Variants in AKR1B10 observed in about 807,000 individuals in gnomAD.
The protein encoded by AKR1B10 is ARP.
AKR1B10 carries 39 observed loss-of-function variants against 38.9 expected under a neutral mutation model. The observed-to-expected ratio is 1.00, with a 90% confidence interval of 0.78 to 1.31. The LOEUF is 1.31. Ranked by LOEUF, AKR1B10 falls within the 50% of genes most tolerant of loss-of-function variation. The pLI is 0.00. For synonymous variants in AKR1B10, 148 were observed against 141.2 expected (o/e 1.05, Z -0.34); for missense variants, 361 against 382.6 (o/e 0.94, Z 0.47).
At chr7:134,534,931 G>A (rs891471506) in intron 4 of AKR1B10, among the ~76,000 whole-genome samples, 1 of 152,134 alleles carries the variant, frequency 6.6e-6, no homozygotes, top group African/African-American at 2.4e-5. Flanking sequence ...CAACGTCTAG[G>A]CTACAACTCA....
intron 1 of AKR1B10, 81 bp downstream of exon 1, chr7:134,528,058 G>T: frequency 6.4e-7 from 1 of 1,559,160 alleles, no homozygotes; most frequent in Admixed American, 1.8e-5. Flanking sequence ...AGCCAGGAAA[G>T]CCTGGAGGTC....
chr7:134,537,827 A>T (rs1025703623), intron 7 of AKR1B10, among the ~76,000 whole-genome samples, 166 bp downstream of exon 7: 2 of 152,104 alleles, frequency 1.3e-5, no homozygotes, highest in Admixed American at 1.3e-4. Context: ...GAAACACAAG[A>T]GCTGTCACTG....
chr7:134,541,366 A>C lies in AKR1B10; in HGVS notation c.*277A>C, dbSNP rs1808146818. The stretch of plus-strand genomic sequence containing the variant: ...TTATTAAGCATCAGAAACTCTGCCA[A>C]CACTGAGGATGTAAAGATCAATAAA... On this transcript the variant is annotated 3_prime_UTR_variant, in exon 10 of 10. Transcript: ENST00000359579. 2.8e-6 allele frequency: 1 copy of C among 361,798 alleles called. No individual in the cohort carries two copies. Among genetic ancestry groups the C allele is most frequent in the African/African-American group, 2.2e-5 (1 of 45,924 alleles). The allele number at this position is 361,798 out of a possible 1,614,324, so 22.4% of individuals were successfully genotyped here.
At chr7:134,532,260 T>G (rs1245187480) in intron 3 of AKR1B10, among the ~76,000 whole-genome samples, 1 of 152,158 alleles carries the variant, frequency 6.6e-6, no homozygotes, top group African/African-American at 2.4e-5. Context: ...CAGTTATGTC[T>G]GAGAGAAGAC....
intron 1 of AKR1B10, among the ~76,000 whole-genome samples, chr7:134,528,382 G>T (rs915605869): frequency 6.6e-6 from 1 of 152,076 alleles, no homozygotes; most frequent in African/African-American, 2.4e-5. Flanking sequence ...TGCAGATCAC[G>T]GTGTGAGACT....
chr7:134,527,798 A>G lies in AKR1B10; in HGVS notation c.-114A>G. The G allele has an allele frequency of 6.7e-7, 1 of 1,484,186 alleles. No homozygotes were observed. The highest frequency in any genetic ancestry group is 1.2e-5 in the South Asian group (1 of 82,578). The allele number at this position is 1,484,186 out of a possible 1,614,324, so 91.9% of individuals were successfully genotyped here. ...GAGACAGAGGTTGTAGTGAGCTGAGATCGCACCACTGCACTCTAGCCTTGG... is the reference window on the plus strand; with the variant it reads ...GAGACAGAGGTTGTAGTGAGCTGAGGTCGCACCACTGCACTCTAGCCTTGG... On this transcript the variant is annotated 5_prime_UTR_variant, in exon 1 of 10. Coordinates refer to ENST00000359579, the MANE Select transcript of AKR1B10 (RefSeq NM_020299.5).
intron 2 of AKR1B10, among the ~76,000 whole-genome samples, chr7:134,531,528 C>G (rs1260335036): frequency 6.6e-6 from 1 of 152,084 alleles, no homozygotes; most frequent in Non-Finnish European, 1.5e-5. Context: ...AGATAAAGGA[C>G]CATCTGCTCC....
intron 3 of AKR1B10, 69 bp from the exon 4 acceptor site, chr7:134,532,935 G>A: frequency 7.2e-7 from 1 of 1,390,056 alleles, no homozygotes; most frequent in Non-Finnish European, 1.0e-6. Context: ...TCAGGATCCT[G>A]AAACCTTGTT....
Position 134,527,983 on chromosome 7 carries a change from T to C in AKR1B10, c.66+6T>C, listed in dbSNP as rs779810370. On this transcript the variant is annotated splice_donor_region_variant and intron_variant, in intron 1 of 9. Coordinates refer to ENST00000359579, the MANE Select transcript of AKR1B10 (RefSeq NM_020299.5). ...TGGGCCTGGGCACTTGGAAGGTAAA[T>C]ATGCAAATCTTTGCACACCCTTCTT... is the stretch of plus-strand genomic sequence containing the variant. The C allele has an allele frequency of 1.9e-6, 3 of 1,613,786 alleles. No homozygotes were observed. The South Asian group carries it at 3.3e-5, about 18-fold the overall frequency.
intron 1 of AKR1B10, 113 bp from the exon 2 acceptor site, chr7:134,530,530 G>A: frequency 8.9e-7 from 1 of 1,125,936 alleles, no homozygotes; most frequent in Non-Finnish European, 1.3e-6. Context: ...CAGCTACTCG[G>A]GAGGTGGGAG....
chr7:134,534,579 C>T (rs569918764), intron 4 of AKR1B10, among the ~76,000 whole-genome samples: 1 of 152,142 alleles, frequency 6.6e-6, no homozygotes, highest in Non-Finnish European at 1.5e-5. Context: ...GAAAAGATAG[C>T]AGTGATCAAG....
At chr7:134,530,492 A>C in intron 1 of AKR1B10, 151 bp from the exon 2 acceptor site, 2 of 809,864 alleles carry the variant, frequency 2.5e-6, no homozygotes, top group Non-Finnish European at 3.8e-6. Context: ...ATAAGAGAAT[A>C]TGATGGTTGC....
At position 134,541,177 on chromosome 7, in the gene AKR1B10, C is replaced by A; in HGVS notation, c.*88C>A. The stretch of plus-strand genomic sequence containing the variant: ...CCACTCATGTCCCATTTTAGCCAAG[C>A]TTATTTAAGATCACAGTGAACTTAG... On this transcript the variant is annotated 3_prime_UTR_variant, in exon 10 of 10. Transcript: ENST00000359579. 9.7e-7 allele frequency: 1 copy of A among 1,033,330 alleles called. No homozygotes were observed. Among genetic ancestry groups the A allele is most frequent in the Non-Finnish European group, 1.5e-6 (1 of 689,632 alleles). The allele number at this position is 1,033,330 out of a possible 1,614,324, so 64.0% of individuals were successfully genotyped here. A position where few individuals can be genotyped will look rare whatever the true frequency, so the allele number is the denominator to read the frequency against.
In AKR1B10 at chr7:134,527,910, C is replaced by A. The variant is rs1215685903; in HGVS notation, c.-2C>A. On this transcript the variant is annotated 5_prime_UTR_variant, in exon 1 of 10. Coordinates refer to ENST00000359579, the MANE Select transcript of AKR1B10 (RefSeq NM_020299.5). Reference sequence around the variant, plus strand: ...TCACTCAGAATCATTTCTGCACCAACCATGGCCACGTTTGTGGAGCTCAGT... The same window carrying A: ...TCACTCAGAATCATTTCTGCACCAAACATGGCCACGTTTGTGGAGCTCAGT... 1.9e-6 allele frequency: 3 copies of A among 1,613,284 alleles called. No homozygotes were observed. The highest frequency in any genetic ancestry group is 2.2e-5 in the South Asian group (2 of 91,042).
Position 134,537,062 on chromosome 7 carries a change from C to G in AKR1B10, c.564C>G (p.His188Gln). 1 of 1,577,192 alleles carries G rather than the reference C, an allele frequency of 6.3e-7. No individual in the cohort carries two copies. The highest frequency in any genetic ancestry group is 1.2e-5 in the South Asian group (1 of 84,836). Reference protein sequence around the residue: ...YKPVTNQVECHPYLTQEKLIQ... With the variant: ...YKPVTNQVECQPYLTQEKLIQ... ...GTTTGCTGTTGCAGGTTGAGTGTCA[C>G]CCATACCTCACACAGGAGAAACTGA... Residue 188 changes from histidine (H) to glutamine (Q), a missense_variant, in exon 6 of 10, where the codon CAC (histidine) becomes CAG (glutamine). This residue lies in a region of AKR1B10 where 9 missense variants were observed against 31.9 expected (regional missense o/e 0.28). Transcript: ENST00000359579.
chr7:134,529,000 GC>G (rs1807775376), intron 1 of AKR1B10, among the ~76,000 whole-genome samples: 1 of 152,124 alleles, frequency 6.6e-6, no homozygotes, highest in African/African-American at 2.4e-5. Flanking sequence ...CCTCTGTTAG[GC>G]TAAGTTTCAA....
intron 1 of AKR1B10, among the ~76,000 whole-genome samples, chr7:134,528,595 G>C (rs558963821): frequency 6.6e-6 from 1 of 152,230 alleles, no homozygotes; most frequent in East Asian, 1.9e-4. Context: ...ATGGTGGCAC[G>C]CACCTGTAGT....
At chr7:134,540,414 T>C (rs1328439847) in intron 9 of AKR1B10, among the ~76,000 whole-genome samples, 1 of 151,772 alleles carries the variant, frequency 6.6e-6, no homozygotes, top group East Asian at 1.9e-4. Flanking sequence ...CCCCCCAAAC[T>C]AAACTGCTTA....
chr7:134,527,728 C>CAT lies in AKR1B10; in HGVS notation c.-184_-183insAT. ...GGGAGTCACGGTGGGCGCCTGTAAT[C>CAT]CCAGCTACTCGGGAGGCTGAGGCAG... On this transcript the variant is annotated 5_prime_UTR_variant, in exon 1 of 10. Coordinates refer to ENST00000359579, the MANE Select transcript of AKR1B10 (RefSeq NM_020299.5). 3 of 500,058 alleles carry CAT rather than the reference C, an allele frequency of 6.0e-6. No individual in the cohort carries two copies. The highest frequency in any genetic ancestry group is 5.1e-5 in the South Asian group (1 of 19,730). 31.0% of individuals were successfully genotyped at this position (500,058 alleles called of 1,614,324 possible).
Sources: allele counts gnomAD v4.1 joint callset (sites outside exome capture counted in the v4.1 genomes callset), GRCh38; gene constraint gnomAD v4.1.1; regional missense constraint gnomAD v4.1.1; transcripts MANE v1.5; gene names NCBI Gene and HGNC (gene_info 2026-07-23, HGNC 2026-07-21).